The following INSYN2B variants were observed in gnomAD, a reference collection of about 807,000 sequenced individuals.
INSYN2B encodes the protein protein INSYN2B.
Under a neutral mutation model 41.2 loss-of-function variants are expected in INSYN2B, and 16 were observed. The ratio of observed to expected loss-of-function variants is 0.39; its 90% CI spans 0.26 to 0.59. INSYN2B has a LOEUF of 0.59. Ranked by LOEUF, INSYN2B falls within the 20% of genes least tolerant of loss-of-function variation. INSYN2B has a pLI of 0.57. For missense variants in INSYN2B, 608 were observed against 646.4 expected (o/e 0.94, Z 0.64); for synonymous variants, 245 against 244.4 (o/e 1.00, Z -0.02).
intron 1 of INSYN2B, among the ~76,000 whole-genome samples, chr5:169,897,467 G>A (rs1773678328): frequency 6.6e-6 from 1 of 152,156 alleles, no homozygotes; most frequent in African/African-American, 2.4e-5. Flanking sequence ...AGGATTACAA[G>A]TGTGAGCCAC....
At chr5:169,893,715 CCAGA>C (rs1490266400) in intron 1 of INSYN2B, among the ~76,000 whole-genome samples, 1 of 152,166 alleles carries the variant, frequency 6.6e-6, no homozygotes, top group Admixed American at 6.5e-5. Flanking sequence ...CAACAGGAAG[CCAGA>C]CAGACAATGA....
chr5:169,880,091 A>G (rs1772551535), intron 3 of INSYN2B, among the ~76,000 whole-genome samples: 1 of 152,252 alleles, frequency 6.6e-6, no homozygotes, highest in South Asian at 2.1e-4. Flanking sequence ...AGCAGCAAAA[A>G]GAGAGCAATT....
rs1772640335 is a variant in INSYN2B, at chr5:169,881,425, G to A, written c.1364C>T (p.Thr455Ile). The part of the protein sequence containing the change: ...ALTEGRNFYR[T>I]GQDLNNCSTC... Reference sequence around the variant, plus strand: ...ACTGCAATTGTTGAGATCTTGGCCAGTTCGATAAAAGTTGCGCCTGCAAGA... The same window carrying A: ...ACTGCAATTGTTGAGATCTTGGCCAATTCGATAAAAGTTGCGCCTGCAAGA... The change falls in exon 3 of 4, where the codon ACT becomes ATT. Residue 455 changes from threonine to isoleucine, a missense_variant. Coordinates refer to ENST00000377365, the MANE Select transcript of INSYN2B (RefSeq NM_001129891.3). 1.3e-6 allele frequency: 2 copies of A among 1,551,380 alleles called. No individual in the cohort carries two copies. Among genetic ancestry groups the A allele is most frequent in the African/African-American group, 1.4e-5 (1 of 73,036 alleles).
At chr5:169,891,442 A>G (rs1315008501) in intron 1 of INSYN2B, among the ~76,000 whole-genome samples, 1 of 152,244 alleles carries the variant, frequency 6.6e-6, no homozygotes, top group Admixed American at 6.5e-5. Flanking sequence ...TTAAAACTTT[A>G]GATCTTGGGT....
chr5:169,924,923 G>A (rs1284212820), intron 1 of INSYN2B, among the ~76,000 whole-genome samples: 3 of 152,200 alleles, frequency 2.0e-5, no homozygotes, highest in Non-Finnish European at 4.4e-5. Flanking sequence ...AAATGGGAGT[G>A]TGTGTCCAGG....
intron 1 of INSYN2B, among the ~76,000 whole-genome samples, chr5:169,938,639 A>G (rs259906): frequency 0.48 from 72,371 of 151,996 alleles, 17,441 homozygotes; most frequent in South Asian, 0.67. Flanking sequence ...AGTGGTGAGT[A>G]AATGTGAAGG....
chr5:169,935,350 C>T (rs1262370420), intron 1 of INSYN2B, among the ~76,000 whole-genome samples: 6 of 152,118 alleles, frequency 3.9e-5, no homozygotes, highest in South Asian at 2.1e-4. Flanking sequence ...ATCTCACTTG[C>T]GCCCTTCTGC....
chr5:169,886,250 G>A (rs1309864244), intron 1 of INSYN2B, among the ~76,000 whole-genome samples: 1 of 152,188 alleles, frequency 6.6e-6, no homozygotes, highest in Non-Finnish European at 1.5e-5. Context: ...CATTTGCCTT[G>A]CCTGTTTGAA....
At chr5:169,864,548 G>T (rs185539634) in intron 3 of INSYN2B, 89 bp from the exon 4 acceptor site, 2 of 1,065,260 alleles carry the variant, frequency 1.9e-6, no homozygotes, top group African/African-American at 1.6e-5. Flanking sequence ...ATATGGAAGA[G>T]CATGAGCTTT....
At chr5:169,939,290 G>A (rs1350926850) in intron 1 of INSYN2B, among the ~76,000 whole-genome samples, 1 of 151,590 alleles carries the variant, frequency 6.6e-6, no homozygotes, top group Non-Finnish European at 1.5e-5. Context: ...ACAGGGTCAG[G>A]ACCCTCCCTA....
chr5:169,957,370 A>G (rs1776912745), intron 1 of INSYN2B, among the ~76,000 whole-genome samples: 1 of 152,220 alleles, frequency 6.6e-6, no homozygotes, highest in African/African-American at 2.4e-5. Flanking sequence ...AAAATAGACA[A>G]AGTACTTAGC....
At chr5:169,938,580 A>G (rs1235024557) in intron 1 of INSYN2B, among the ~76,000 whole-genome samples, 2 of 152,252 alleles carry the variant, frequency 1.3e-5, no homozygotes, top group Non-Finnish European at 2.9e-5. Context: ...TGTACAGGAC[A>G]CTTGCCATGA....
intron 1 of INSYN2B, among the ~76,000 whole-genome samples, chr5:169,897,772 C>G (rs990359700): frequency 6.6e-6 from 1 of 152,214 alleles, no homozygotes; most frequent in Non-Finnish European, 1.5e-5. Context: ...CATGGGGAAG[C>G]TCTCACTGCA....
intron 1 of INSYN2B, among the ~76,000 whole-genome samples, chr5:169,935,760 C>A (rs576653936): frequency 2.0e-5 from 3 of 152,242 alleles, no homozygotes; most frequent in East Asian, 3.9e-4. Flanking sequence ...AGTACACTGA[C>A]TTCATAGGAG....
intron 3 of INSYN2B, among the ~76,000 whole-genome samples, chr5:169,868,883 G>A (rs1260223040): frequency 6.6e-6 from 1 of 152,190 alleles, no homozygotes; most frequent in East Asian, 1.9e-4. Flanking sequence ...TTGAAGCCCA[G>A]CCCAACATAG....
chr5:169,872,474 G>A (rs1772041427), intron 3 of INSYN2B, among the ~76,000 whole-genome samples: 2 of 152,186 alleles, frequency 1.3e-5, no homozygotes, highest in African/African-American at 4.8e-5. Flanking sequence ...TTCACAACTT[G>A]CAGCTATTTC....
chr5:169,938,940 G>A (rs1168693450), intron 1 of INSYN2B, among the ~76,000 whole-genome samples: 3 of 136,006 alleles, frequency 2.2e-5, no homozygotes, highest in Admixed American at 1.6e-4. Context: ...GTCTTGCTCT[G>A]TCGCCCAGGC....
At chr5:169,914,251 CTA>C (rs773691366) in intron 1 of INSYN2B, among the ~76,000 whole-genome samples, 18 of 152,216 alleles carry the variant, frequency 1.2e-4, no homozygotes, top group Non-Finnish European at 2.5e-4. Flanking sequence ...TCTCCTCATA[CTA>C]TGTTCTAAAA....
chr5:169,973,269 T>C (rs1029340762), intron 1 of INSYN2B, among the ~76,000 whole-genome samples: 1 of 152,182 alleles, frequency 6.6e-6, no homozygotes, highest in African/African-American at 2.4e-5. Flanking sequence ...TCACCCACAA[T>C]GCAGCTGCCC....
Sources: allele counts gnomAD v4.1 joint callset (sites outside exome capture counted in the v4.1 genomes callset), GRCh38; gene constraint gnomAD v4.1.1; transcripts MANE v1.5; gene names NCBI Gene and HGNC (gene_info 2026-07-23, HGNC 2026-07-21).